GRID2: variants seen among roughly 807,000 people sequenced by gnomAD.
GRID2 encodes the protein glutamate receptor ionotropic, delta-2.
GRID2 carries 33 observed loss-of-function variants against 114.8 expected under a neutral mutation model. The observed-to-expected ratio is 0.29, with a 90% CI of 0.22 to 0.38. The LOEUF (loss-of-function observed/expected upper bound fraction) is 0.38. Ranked by LOEUF, GRID2 falls within the 10% of genes least tolerant of loss-of-function variation. The pLI is 1.00. For missense variants in GRID2, 1,184 were observed against 1,257.7 expected (o/e 0.94, Z 0.89); for synonymous variants, 505 against 449.9 (o/e 1.12, Z -1.55).
intron 2 of GRID2, among the ~76,000 whole-genome samples, chr4:92,981,227 G>A (rs900816623): frequency 3.9e-5 from 6 of 151,906 alleles, no homozygotes; most frequent in African/African-American, 1.2e-4. Flanking sequence ...GTGTGCATAC[G>A]TCTTAAGATA....
At chr4:92,544,714 T>A (rs1223122097) in intron 1 of GRID2, among the ~76,000 whole-genome samples, 3 of 152,152 alleles carry the variant, frequency 2.0e-5, no homozygotes, top group African/African-American at 7.2e-5. Flanking sequence ...TTTCAGTTTT[T>A]TAATTTATCT....
At chr4:92,692,191 T>A (rs1237941507) in intron 2 of GRID2, among the ~76,000 whole-genome samples, 1 of 152,150 alleles carries the variant, frequency 6.6e-6, no homozygotes, top group Non-Finnish European at 1.5e-5. Context: ...AGAAACAAAT[T>A]AGACAAATGA....
chr4:93,350,672 T>A (rs1209914559), intron 8 of GRID2, among the ~76,000 whole-genome samples: 1 of 152,004 alleles, frequency 6.6e-6, no homozygotes, highest in Non-Finnish European at 1.5e-5. Flanking sequence ...TTAATTTTCA[T>A]AATAACCCTA....
chr4:92,373,787 T>C (rs1389476454), intron 1 of GRID2, among the ~76,000 whole-genome samples: 2 of 152,174 alleles, frequency 1.3e-5, no homozygotes, highest in Non-Finnish European at 2.9e-5. Context: ...TTACTTTGCT[T>C]GTCACCCTAA....
At chr4:93,365,488 A>G (rs1023025093) in intron 8 of GRID2, among the ~76,000 whole-genome samples, 1 of 152,162 alleles carries the variant, frequency 6.6e-6, no homozygotes, top group African/African-American at 2.4e-5. Context: ...TTTATTCCAG[A>G]CACTGTCTTG....
In GRID2 at chr4:92,940,820, G is replaced by A. The variant is rs1316974875; in HGVS notation, c.245-144175G>A. ...CAAAGGCCTTTTGTGCATCTATTGA[G>A]ATAATCATGTGGTTTTTGTCTTTGG... On this transcript the variant is annotated intron_variant, in intron 2 of 15. Transcript: ENST00000282020. Among the ~76,000 whole-genome samples, 4 of 152,250 alleles carry A rather than the reference G, an allele frequency of 2.6e-5. No individual in the cohort carries two copies. In the East Asian group the frequency reaches 7.7e-4, roughly 29 times the overall value.
chr4:93,010,112 C>T (rs1380703568), intron 2 of GRID2, among the ~76,000 whole-genome samples: 1 of 151,886 alleles, frequency 6.6e-6, no homozygotes, highest in Non-Finnish European at 1.5e-5. Flanking sequence ...TTTTGATATG[C>T]GTAGTAGGAG....
intron 2 of GRID2, among the ~76,000 whole-genome samples, chr4:92,971,025 A>G (rs970809914): frequency 6.6e-6 from 1 of 151,576 alleles, no homozygotes; most frequent in Admixed American, 6.6e-5. Flanking sequence ...AAAAAAAAAA[A>G]TTTGTACAGA....
intron 2 of GRID2, 74 bp downstream of exon 2, chr4:92,590,360 A>T (rs1047512345): frequency 9.6e-7 from 1 of 1,037,512 alleles, no homozygotes; most frequent in Non-Finnish European, 1.5e-6. Context: ...GATGAAACTT[A>T]TTAAACATGG....
intron 14 of GRID2, among the ~76,000 whole-genome samples, chr4:93,684,365 G>GA (rs1336583282): frequency 6.6e-6 from 1 of 152,100 alleles, no homozygotes; most frequent in Non-Finnish European, 1.5e-5. Context: ...AGAAAAATCA[G>GA]AATATGCTTA....
At position 92,831,578 on chromosome 4, in the gene GRID2, G is replaced by C. The variant is rs1179177596; in HGVS notation, c.244+241292G>C. On this transcript the variant is annotated intron_variant, in intron 2 of 15. Transcript: ENST00000282020. Reference sequence around the variant, plus strand: ...TTCCTTATCTATAAAATGATTCCAGGCATGGTGGCTCATGCCTGTAATCCC... The same window carrying C: ...TTCCTTATCTATAAAATGATTCCAGCCATGGTGGCTCATGCCTGTAATCCC... 2.6e-5 allele frequency among the ~76,000 whole-genome samples: 4 copies of C among 151,852 alleles called. No homozygotes were observed. In the East Asian group the frequency reaches 7.8e-4, roughly 29 times the overall value.
intron 2 of GRID2, among the ~76,000 whole-genome samples, chr4:92,719,679 G>A (rs1461501661): frequency 6.6e-6 from 1 of 151,998 alleles, no homozygotes; most frequent in Admixed American, 6.6e-5. Context: ...TAAACAAAGA[G>A]GACGTCAAAG....
At chr4:92,768,791 A>G (rs950467307) in intron 2 of GRID2, among the ~76,000 whole-genome samples, 1 of 152,154 alleles carries the variant, frequency 6.6e-6, no homozygotes, top group Non-Finnish European at 1.5e-5. Context: ...CACTATCACA[A>G]GAAGAGTACA....
intron 1 of GRID2, among the ~76,000 whole-genome samples, chr4:92,558,147 T>A (rs80047145): frequency 0.028 from 4,301 of 152,162 alleles, 180 homozygotes; most frequent in African/African-American, 0.089. Flanking sequence ...ACAGAGGTTA[T>A]CTTATAAAAC....
rs5860282 is a variant in GRID2, at chr4:92,621,789, T to TA, written c.244+31506dup. Among the ~76,000 whole-genome samples the TA allele has an allele frequency of 2.6e-3, 391 of 151,876 alleles. 4 individuals are homozygous for TA. The highest frequency in any genetic ancestry group is 9.0e-3 in the African/African-American group (372 of 41,504). ...TAAGGAGTGAGTGGATGGAAAGGAT[T>TA]AAATACTGTAAGTAGAATTTTTCTT... On this transcript the variant is annotated intron_variant, in intron 2 of 15. Transcript: ENST00000282020.
At chr4:92,952,821 C>T (rs1479633309) in intron 2 of GRID2, among the ~76,000 whole-genome samples, 1 of 152,170 alleles carries the variant, frequency 6.6e-6, no homozygotes, top group Non-Finnish European at 1.5e-5. Flanking sequence ...ACTGCCATAA[C>T]ACAATATCAC....
intron 2 of GRID2, among the ~76,000 whole-genome samples, chr4:92,942,266 A>C (rs1318811757): frequency 7.5e-6 from 1 of 134,226 alleles, no homozygotes; most frequent in African/African-American, 2.6e-5. Context: ...TATTGGGTGC[A>C]TATATATTTA....
chr4:92,986,275 A>C (rs1250036158), intron 2 of GRID2, among the ~76,000 whole-genome samples: 2 of 152,212 alleles, frequency 1.3e-5, no homozygotes, highest in Admixed American at 1.3e-4. Context: ...TGAAAGTGAG[A>C]AACTCTAGGA....
intron 11 of GRID2, among the ~76,000 whole-genome samples, chr4:93,475,336 G>A (rs1283169014): frequency 6.6e-6 from 1 of 152,012 alleles, no homozygotes; most frequent in Non-Finnish European, 1.5e-5. Flanking sequence ...GAAAATTACG[G>A]AAGAAAATTC....
Sources: gnomAD v4.1 joint callset for allele counts (sites outside exome capture counted in the v4.1 genomes callset) on GRCh38, gnomAD v4.1.1 for gene constraint, MANE v1.5 for transcripts, NCBI Gene and HGNC (gene_info 2026-07-23, HGNC 2026-07-21) for gene names.